ZNF347: variants seen among roughly 807,000 people sequenced by gnomAD.
The protein encoded by ZNF347 is zinc finger protein 347, also known as CTD-2620I22.7.
A neutral mutation model predicts 12.9 loss-of-function variants in ZNF347; 19 were observed. The ratio of observed to expected loss-of-function variants is 1.47; its 90% CI spans 1.03 to 2.16. The LOEUF is 2.16. Among genes scored for constraint, ZNF347 ranks in the 30% most tolerant of loss-of-function variants. The pLI, the probability that ZNF347 is intolerant of heterozygous loss-of-function variation, is 0.00. For missense variants in ZNF347, 1,005 were observed against 990.6 expected (o/e 1.01, Z -0.19); for synonymous variants, 328 against 340.6 (o/e 0.96, Z 0.41).
rs2090430912 is a variant in ZNF347, at chr19:53,141,909, G to GGGT, written c.916_918dup (p.Thr306dup). On this transcript the variant is annotated inframe_insertion, in exon 5 of 5. Coordinates refer to ENST00000334197, the MANE Select transcript of ZNF347 (RefSeq NM_032584.3). ...TTTTCGCCAGTATGGATCACCTGAT[G>GGGT]GGTAGTTAGGTTTGAACGTGTTCTA... The GGGT allele has an allele frequency of 6.2e-7, 1 of 1,613,704 alleles. No individual in the cohort carries two copies. Among genetic ancestry groups the GGGT allele is most frequent in the South Asian group, 1.1e-5 (1 of 90,992 alleles).
intron 2 of ZNF347, among the ~76,000 whole-genome samples, chr19:53,150,482 A>G (rs2090490303): frequency 6.6e-6 from 1 of 152,208 alleles, no homozygotes; most frequent in African/African-American, 2.4e-5. Context: ...TTTGTAGACA[A>G]TACAAAAAAT....
intron 1 of ZNF347, among the ~76,000 whole-genome samples, chr19:53,156,390 G>A (rs909048057): frequency 2.1e-4 from 32 of 151,202 alleles, no homozygotes; most frequent in African/African-American, 4.9e-4. Context: ...ACAACAGAGC[G>A]AGACTGTTTC....
At chr19:53,154,165 G>A (rs1336517816) in intron 1 of ZNF347, among the ~76,000 whole-genome samples, 3 of 152,106 alleles carry the variant, frequency 2.0e-5, no homozygotes, top group Non-Finnish European at 2.9e-5. Flanking sequence ...TCTGTGGATT[G>A]CAGGCCAATC....
At chr19:53,154,822 G>T (rs9967643) in intron 1 of ZNF347, among the ~76,000 whole-genome samples, 1 of 150,974 alleles carries the variant, frequency 6.6e-6, no homozygotes, top group African/African-American at 2.4e-5. Flanking sequence ...GTTCAAGCAA[G>T]GACTGAAGGC....
chr19:53,137,287 T>G lies in ZNF347; in HGVS notation c.*3021A>C, dbSNP rs2090392767. On this transcript the variant is annotated 3_prime_UTR_variant, in exon 5 of 5. Coordinates refer to ENST00000334197, the MANE Select transcript of ZNF347 (RefSeq NM_032584.3). ...TTTGTCTTATACCACCATTTATACC[T>G]CTGCACTCCCTCTTCTTATTCTGCC... 1 of 152,178 alleles carries G rather than the reference T, an allele frequency of 6.6e-6. No individual in the cohort carries two copies. Among genetic ancestry groups the G allele is most frequent in the Non-Finnish European group, 1.5e-5 (1 of 68,034 alleles). 9.4% of individuals were successfully genotyped at this position (152,178 alleles called of 1,614,324 possible).
At chr19:53,155,790 AT>A (rs1380414639) in intron 1 of ZNF347, among the ~76,000 whole-genome samples, 3 of 152,182 alleles carry the variant, frequency 2.0e-5, no homozygotes, top group African/African-American at 7.2e-5. Context: ...AGGCTGGTAC[AT>A]GGTACACAAT....
At chr19:53,158,308 C>T (rs142224668) in intron 1 of ZNF347, among the ~76,000 whole-genome samples, 243 of 152,278 alleles carry the variant, frequency 1.6e-3, no homozygotes, top group Non-Finnish European at 2.9e-3. Context: ...GTGGGGTCTG[C>T]AGGATGCCAG....
Position 53,141,308 on chromosome 19 carries a change from T to C in ZNF347, c.1520A>G (p.His507Arg), listed in dbSNP as rs1317280372. ...ACATTTGTAAGGCTTTTCTCCAGTA[T>C]GGATGACCTGATGGGTAGTTAGGTT... ...HSNLTTHQVI[H>R]TGEKPYKCNE... Residue 507 changes from histidine to arginine, a missense_variant, in exon 5 of 5, where the codon CAT becomes CGT. By Grantham distance (29) the His-to-Arg change is conservative (BLOSUM62 0). Coordinates refer to ENST00000334197, the MANE Select transcript of ZNF347 (RefSeq NM_032584.3). 6.2e-7 allele frequency: 1 copy of C among 1,613,554 alleles called. No individual in the cohort carries two copies. Among genetic ancestry groups the C allele is most frequent in the African/African-American group, 1.3e-5 (1 of 74,808 alleles).
chr19:53,135,983 C>T lies in ZNF347; in HGVS notation c.*4325G>A, dbSNP rs2090386614. ...TCTGGCTCAGAAAAGAAATACCAGCCACAGTAGGAAGTTGAATTGCCTCCA... is the reference window on the plus strand; with the variant it reads ...TCTGGCTCAGAAAAGAAATACCAGCTACAGTAGGAAGTTGAATTGCCTCCA... On this transcript the variant is annotated 3_prime_UTR_variant, in exon 5 of 5. Coordinates refer to ENST00000334197, the MANE Select transcript of ZNF347 (RefSeq NM_032584.3). The T allele has an allele frequency of 6.6e-6, 1 of 151,960 alleles. No homozygotes were observed. Among genetic ancestry groups the T allele is most frequent in the African/African-American group, 2.4e-5 (1 of 41,348 alleles). The allele number at this position is 151,960 out of a possible 1,614,324, so 9.4% of individuals were successfully genotyped here.
chr19:53,142,759 A>T (rs2090438166), intron 4 of ZNF347, among the ~76,000 whole-genome samples: 1 of 152,188 alleles, frequency 6.6e-6, no homozygotes, highest in Non-Finnish European at 1.5e-5. Context: ...AGTTGATTCC[A>T]TGTAATTCAA....
Position 53,149,384 on chromosome 19 carries a change from A to T in ZNF347, c.16-17T>A. ...CACCTGTCCCTAAAATGAAAAACACATCCACCAGGGGGATATAAGGAAAAG... is the reference window on the plus strand; with the variant it reads ...CACCTGTCCCTAAAATGAAAAACACTTCCACCAGGGGGATATAAGGAAAAG... On this transcript the variant is annotated splice_polypyrimidine_tract_variant and intron_variant, in intron 2 of 4. Transcript: ENST00000334197. The T allele has an allele frequency of 6.2e-7, 1 of 1,613,128 alleles. No individual in the cohort carries two copies. The highest frequency in any genetic ancestry group is 8.5e-7 in the Non-Finnish European group (1 of 1,179,342).
In ZNF347 at chr19:53,139,332, CCTT is replaced by C. The variant is rs1218269991; in HGVS notation, c.*973_*975del. On this transcript the variant is annotated 3_prime_UTR_variant, in exon 5 of 5. Transcript: ENST00000334197. ...ATTTAATTTTACAAGGCAGAGTCCT[CCTT>C]CTTCAATAAACATGGATAAAAATGA... 1 of 152,174 alleles carries C rather than the reference CCTT, an allele frequency of 6.6e-6. No homozygotes were observed. Among genetic ancestry groups the C allele is most frequent in the East Asian group, 1.9e-4 (1 of 5,188 alleles). The allele number at this position is 152,174 out of a possible 1,614,324, so 9.4% of individuals were successfully genotyped here. A position where few individuals can be genotyped will look rare whatever the true frequency, so the allele number is the denominator to read the frequency against.
rs769357928 is a variant in ZNF347, at chr19:53,141,101, T to C, written c.1727A>G (p.Lys576Arg). The C allele has an allele frequency of 1.7e-5, 27 of 1,613,960 alleles. No individual in the cohort carries two copies. In the South Asian group the frequency reaches 2.7e-4, roughly 16 times the overall value. The change falls in exon 5 of 5, where the codon AAG becomes AGG. Residue 576 changes from lysine to arginine, a missense_variant. By Grantham distance (26) the Lys-to-Arg change is conservative (BLOSUM62 2). Coordinates refer to ENST00000334197, the MANE Select transcript of ZNF347 (RefSeq NM_032584.3). ...EKPYKCNECG[K>R]VFTQNSHLAR... is the part of the protein sequence containing the mutation. The stretch of plus-strand genomic sequence containing the variant: ...AAGGTGTGAATTCTGAGTGAAGACC[T>C]TGCCACACTCATTACATTTGTAAGG...
At chr19:53,156,048 G>GGGAGGT (rs1555802211) in intron 1 of ZNF347, among the ~76,000 whole-genome samples, 1 of 112,046 alleles carries the variant, frequency 8.9e-6, no homozygotes, top group Non-Finnish European at 1.9e-5. Context: ...CCCAGCTCGG[G>GGGAGGT]GGGGGGGGGG....
At chr19:53,156,045 C>G (rs1339069184) in intron 1 of ZNF347, among the ~76,000 whole-genome samples, 7 of 17,044 alleles carry the variant, frequency 4.1e-4, no homozygotes, top group Non-Finnish European at 6.9e-4. Flanking sequence ...ACTCCCAGCT[C>G]GGGGGGGGGG....
At chr19:53,156,536 T>C (rs1170157046) in intron 1 of ZNF347, among the ~76,000 whole-genome samples, 1 of 152,216 alleles carries the variant, frequency 6.6e-6, no homozygotes, top group Admixed American at 6.5e-5. Flanking sequence ...ATAAATACTG[T>C]GGTTCTCTTA....
intron 1 of ZNF347, 82 bp from the exon 2 acceptor site, chr19:53,153,875 C>T (rs2090514764): frequency 2.0e-6 from 2 of 976,562 alleles, no homozygotes; most frequent in Non-Finnish European, 3.2e-6. Context: ...CAACACATCC[C>T]CTTCCTATGC....
Position 53,142,575 on chromosome 19 carries a change from C to T in ZNF347, c.272-19G>A, listed in dbSNP as rs981997635. The T allele has an allele frequency of 6.7e-7, 1 of 1,503,244 alleles. No homozygotes were observed. Among genetic ancestry groups the T allele is most frequent in the Non-Finnish European group, 8.9e-7 (1 of 1,127,476 alleles). The allele number at this position is 1,503,244 out of a possible 1,614,324, so 93.1% of individuals were successfully genotyped here. On this transcript the variant is annotated intron_variant, in intron 4 of 4. Coordinates refer to ENST00000334197, the MANE Select transcript of ZNF347 (RefSeq NM_032584.3). ...GAGAGAGCTACAAGATATAAAGATC[C>T]ATAGGTTTCCAATTAATTGTAGTAC... is the stretch of plus-strand genomic sequence containing the variant.
At chr19:53,144,529 G>A (rs1185597492) in intron 4 of ZNF347, among the ~76,000 whole-genome samples, 3 of 151,968 alleles carry the variant, frequency 2.0e-5, no homozygotes, top group African/African-American at 2.4e-5. Flanking sequence ...ACAATTTTTG[G>A]TAATGAATAG....
Sources: gnomAD v4.1 joint callset for allele counts (sites outside exome capture counted in the v4.1 genomes callset) on GRCh38, gnomAD v4.1.1 for gene constraint, MANE v1.5 for transcripts, NCBI Gene and HGNC (gene_info 2026-07-23, HGNC 2026-07-21) for gene names.